The following LAMB1 variants were observed in gnomAD, a reference collection of about 807,000 sequenced individuals.
The protein encoded by LAMB1 is laminin subunit beta 1.
LAMB1 carries 121 observed loss-of-function variants against 222.3 expected under a neutral mutation model. That is an observed-to-expected ratio of 0.54 (90% CI 0.47 to 0.63). The LOEUF is 0.63. Among genes scored for constraint, LAMB1 ranks in the 30% least tolerant of loss-of-function variants. The pLI is 0.00. For missense variants in LAMB1, 2,172 were observed against 2,240.8 expected, an observed-to-expected ratio of 0.97 and a Z score of 0.62; for synonymous variants, 794 against 807.2, an observed-to-expected ratio of 0.98 and a Z score of 0.28.
At chr7:107,959,174 T>TGGAG in intron 20 of LAMB1, 75 bp downstream of exon 20, 1 of 1,141,500 alleles carries the variant, frequency 8.8e-7, no homozygotes, top group East Asian at 2.4e-5. Context: ...TGGAGATGAA[T>TGGAG]TCTGTGGTTG....
intron 24 of LAMB1, among the ~76,000 whole-genome samples, chr7:107,941,757 C>T (rs1292383179): frequency 7.1e-6 from 1 of 141,148 alleles, no homozygotes; most frequent in African/African-American, 2.6e-5. Context: ...TGGCTGGGTT[C>T]AAGCAATTCC....
intron 5 of LAMB1, among the ~76,000 whole-genome samples, chr7:107,991,810 A>C (rs1171248128): frequency 6.8e-6 from 1 of 147,244 alleles, no homozygotes; most frequent in African/African-American, 2.5e-5. Flanking sequence ...CGGGAGGCTA[A>C]GGCAGAAGAA....
intron 14 of LAMB1, 96 bp downstream of exon 14, chr7:107,964,455 TA>T: frequency 7.0e-7 from 1 of 1,437,400 alleles, no homozygotes; most frequent in Non-Finnish European, 9.6e-7. Context: ...GACAAAGCTA[TA>T]AAAATGCTTC....
At chr7:107,978,289 GGGTTGTTT>G in intron 8 of LAMB1, 122 bp from the exon 9 acceptor site, 1 of 1,130,742 alleles carries the variant, frequency 8.8e-7, no homozygotes, top group Non-Finnish European at 1.3e-6. Context: ...CCACAGAAAA[GGGTTGTTT>G]GGTTGTTTTT....
At chr7:107,979,556 A>G (rs1228279343) in intron 8 of LAMB1, among the ~76,000 whole-genome samples, 4 of 152,186 alleles carry the variant, frequency 2.6e-5, no homozygotes, top group African/African-American at 4.8e-5. Context: ...CATAAGTCCT[A>G]TCTGGCCTTA....
chr7:107,937,376 A>C, intron 25 of LAMB1, 99 bp from the exon 26 acceptor site: 2 of 870,298 alleles, frequency 2.3e-6, no homozygotes, highest in Admixed American at 2.3e-5. Context: ...TACTAATTTC[A>C]AACCAATTCA....
intron 12 of LAMB1, 29 bp downstream of exon 12, chr7:107,974,957 C>A (rs776363306): frequency 7.9e-7 from 1 of 1,258,934 alleles, no homozygotes; most frequent in Non-Finnish European, 1.2e-6. Flanking sequence ...TCACCAACCA[C>A]CCATCCCACG....
At chr7:107,937,965 C>T (rs1369640101) in intron 25 of LAMB1, among the ~76,000 whole-genome samples, 1 of 152,166 alleles carries the variant, frequency 6.6e-6, no homozygotes, top group African/African-American at 2.4e-5. Context: ...GTACTTTTGA[C>T]ATCTATTTGT....
Position 107,929,081 on chromosome 7 carries a change from G to C in LAMB1, c.4870C>G (p.Gln1624Glu), listed in dbSNP as rs1562972966. 6.2e-7 allele frequency: 1 copy of C among 1,613,974 alleles called. No individual in the cohort carries two copies. Among genetic ancestry groups the C allele is most frequent in the Non-Finnish European group, 8.5e-7 (1 of 1,179,952 alleles). The change falls in exon 31 of 34, where the codon CAG (glutamine) becomes GAG (glutamate). Residue 1624 changes from glutamine to glutamate, a missense_variant. Gln to Glu is a conservative substitution (Grantham distance 29, BLOSUM62 2). Transcript: ENST00000222399. ...KQADEDIQGT[Q>E]NLLTSIESET... ...ATGCCTACCGAAGTTAACAGGTTCT[G>C]GGTTCCTTGAATGTCTTCATCTGCT...
At position 108,002,935 on chromosome 7, in the gene LAMB1, C is replaced by T. The variant is rs775547491; in HGVS notation, c.-50G>A. 9.9e-6 allele frequency: 16 copies of T among 1,611,086 alleles called. No homozygotes were observed. The highest frequency in any genetic ancestry group is 8.9e-5 in the East Asian group (4 of 44,768). ...CGCGGCAGAGGAGTGGAGAAGACGC[C>T]CGCCGAGCCGCCTGCCCTTTCTTCC... On this transcript the variant is annotated 5_prime_UTR_variant, in exon 2 of 34. Coordinates refer to ENST00000222399, the MANE Select transcript of LAMB1 (RefSeq NM_002291.3).
intron 13 of LAMB1, among the ~76,000 whole-genome samples, chr7:107,971,798 A>C (rs1007528672): frequency 1.3e-5 from 2 of 152,188 alleles, no homozygotes; most frequent in African/African-American, 4.8e-5. Flanking sequence ...AATAGAGAAA[A>C]AGAGGAAGGG....
intron 33 of LAMB1, 33 bp from the exon 34 acceptor site, chr7:107,924,120 C>A (rs1231971294): frequency 7.2e-6 from 11 of 1,519,518 alleles, no homozygotes; most frequent in African/African-American, 1.4e-5. Context: ...AAAGTCTGAG[C>A]AATTTATACT....
intron 32 of LAMB1, among the ~76,000 whole-genome samples, chr7:107,925,324 C>G (rs911000595): frequency 3.9e-5 from 6 of 152,174 alleles, no homozygotes; most frequent in African/African-American, 1.4e-4. Context: ...GCTCCACCTT[C>G]TGTCAGATCA....
At chr7:107,926,427 G>T in intron 31 of LAMB1, 68 bp from the exon 32 acceptor site, 2 of 1,350,942 alleles carry the variant, frequency 1.5e-6, no homozygotes, top group Non-Finnish European at 1.0e-6. Flanking sequence ...GTACAAGTTT[G>T]GAGGAAGATT....
Position 107,963,028 on chromosome 7 carries a change from G to A in LAMB1, c.1734C>T (p.Asp578=). The A allele has an allele frequency of 6.2e-7, 1 of 1,613,892 alleles. No individual in the cohort carries two copies. Among genetic ancestry groups the A allele is most frequent in the Non-Finnish European group, 8.5e-7 (1 of 1,179,852 alleles). ...CGGCTCCAGTCCAGGAGGGAATCCG[G>A]TCCTGGATATATTGCCGCTCCACTA... ...VSIVERQYIQ[D]RIPSWTGAGF... The change falls in exon 15 of 34, where the codon GAC becomes GAT. Residue 578 remains aspartate, a synonymous_variant. Coordinates refer to ENST00000222399, the MANE Select transcript of LAMB1 (RefSeq NM_002291.3).
At chr7:107,983,636 T>C (rs1046672640) in intron 7 of LAMB1, among the ~76,000 whole-genome samples, 2 of 135,092 alleles carry the variant, frequency 1.5e-5, no homozygotes, top group African/African-American at 5.6e-5. Flanking sequence ...CACTGCAACC[T>C]CTGCCTCCCG....
intron 3 of LAMB1, chr7:108,000,103 G>C (rs1408239091): frequency 1.3e-5 from 2 of 151,550 alleles, no homozygotes; most frequent in African/African-American, 2.4e-5. Flanking sequence ...AATATTGTAG[G>C]TAAAATTTAA....
chr7:107,989,731 G>A (rs1320807690), intron 5 of LAMB1, among the ~76,000 whole-genome samples: 2 of 152,184 alleles, frequency 1.3e-5, no homozygotes, highest in Admixed American at 1.3e-4. Flanking sequence ...CTTGGGGAGA[G>A]GAAGAGAGGG....
chr7:107,951,521 G>A (rs2033250492), intron 23 of LAMB1, among the ~76,000 whole-genome samples, 199 bp from the exon 24 acceptor site: 1 of 152,158 alleles, frequency 6.6e-6, no homozygotes, highest in Admixed American at 6.5e-5. Context: ...TTTGCAACAG[G>A]GCTTGGAAAG....
Sources: gnomAD v4.1 joint callset for allele counts (sites outside exome capture counted in the v4.1 genomes callset) on GRCh38, gnomAD v4.1.1 for gene constraint, MANE v1.5 for transcripts, NCBI Gene and HGNC (gene_info 2026-07-23, HGNC 2026-07-21) for gene names.